The following PTDSS2 variants were observed in gnomAD, a reference collection of about 807,000 sequenced individuals.
PTDSS2 encodes phosphatidylserine synthase 2, also known as PSS-2.
Under a neutral mutation model 64.7 loss-of-function variants are expected in PTDSS2, and 41 were observed. The ratio of observed to expected loss-of-function variants is 0.63; its 90% confidence interval spans 0.49 to 0.82. PTDSS2 has a LOEUF of 0.82. Ranked by LOEUF, PTDSS2 falls within the 40% of genes least tolerant of loss-of-function variation. The probability of loss-of-function intolerance (pLI) is 0.00; values close to 1 mark genes in which losing one functional copy is unlikely to be tolerated. For missense variants in PTDSS2, 485 were observed against 650.0 expected (o/e 0.75, Z 2.76); for synonymous variants, 297 against 277.8 (o/e 1.07, Z -0.69).
chr11:453,505 C>A lies in PTDSS2; in HGVS notation c.182+2868C>A, dbSNP rs564432949. Among the ~76,000 whole-genome samples the A allele has an allele frequency of 3.3e-5, 5 of 152,336 alleles. No individual in the cohort carries two copies. The East Asian group carries it at 9.6e-4, about 29-fold the overall frequency. ...GAATGGGGTGCCTCAAATGAGCCTT[C>A]TCAGTGACCTGAGGACTTTATGTGT... is the stretch of plus-strand genomic sequence containing the variant. On this transcript the variant is annotated intron_variant, in intron 1 of 11. Coordinates refer to ENST00000308020, the MANE Select transcript of PTDSS2 (RefSeq NM_030783.3).
chr11:482,216 G>A (rs1273062368), intron 4 of PTDSS2, among the ~76,000 whole-genome samples: 11 of 142,080 alleles, frequency 7.7e-5, no homozygotes, highest in Non-Finnish European at 1.7e-4. Flanking sequence ...GAATAGGCAA[G>A]GATGGGCTTT....
chr11:479,188 T>A lies in PTDSS2; in HGVS notation c.435+36T>A, dbSNP rs759565686. On this transcript the variant is annotated intron_variant, in intron 4 of 11. Transcript: ENST00000308020. This position sits in a 1 kb window ranked among gnomAD's most constrained non-coding sequence, Gnocchi z 4.2. ...TTTCTGGGTTGGATACCTGGGAACT[T>A]AGGTGACAGTGTGGCCCCAGGCATG... is the stretch of plus-strand genomic sequence containing the variant. 1 of 1,537,794 alleles carries A rather than the reference T, an allele frequency of 6.5e-7. No homozygotes were observed. The highest frequency in any genetic ancestry group is 1.4e-5 in the African/African-American group (1 of 73,336).
At chr11:487,655 G>T (rs996082359) in intron 6 of PTDSS2, among the ~76,000 whole-genome samples, 185 bp downstream of exon 6, 3 of 152,190 alleles carry the variant, frequency 2.0e-5, no homozygotes, top group Non-Finnish European at 2.9e-5. Flanking sequence ...CCCTGATCCT[G>T]GTCGGGTCCC....
At chr11:473,695 G>A (rs113314713) in intron 2 of PTDSS2, among the ~76,000 whole-genome samples, 200 bp from the exon 3 acceptor site, 1 of 131,470 alleles carries the variant, frequency 7.6e-6, no homozygotes, top group African/African-American at 3.0e-5. Context: ...CAAATGTGAG[G>A]GCGAATGTCC....
At chr11:478,289 A>G (rs1847905362) in intron 3 of PTDSS2, among the ~76,000 whole-genome samples, 1 of 139,940 alleles carries the variant, frequency 7.1e-6, no homozygotes, top group Admixed American at 7.0e-5. Flanking sequence ...TATCTCTACA[A>G]AAAAAAAAAA....
At chr11:467,411 G>A (rs1224646164) in intron 2 of PTDSS2, among the ~76,000 whole-genome samples, 1 of 152,130 alleles carries the variant, frequency 6.6e-6, no homozygotes, top group Non-Finnish European at 1.5e-5. Flanking sequence ...GAATACAAAA[G>A]GCTAAAGCCG....
chr11:490,918 C>A lies in PTDSS2; in HGVS notation c.*336C>A. ...GGCGTGGCAAGGGCATGCTCTGGGGCAGTGTGTCCCTCAGGAACCAGGGTC... is the reference window on the plus strand; with the variant it reads ...GGCGTGGCAAGGGCATGCTCTGGGGAAGTGTGTCCCTCAGGAACCAGGGTC... On this transcript the variant is annotated 3_prime_UTR_variant, in exon 12 of 12. Coordinates refer to ENST00000308020, the MANE Select transcript of PTDSS2 (RefSeq NM_030783.3). 1 of 320,536 alleles carries A rather than the reference C, an allele frequency of 3.1e-6. No individual in the cohort carries two copies. The highest frequency in any genetic ancestry group is 5.0e-5 in the South Asian group (1 of 20,084). The allele number at this position is 320,536 out of a possible 1,614,324, so 19.9% of individuals were successfully genotyped here.
intron 3 of PTDSS2, among the ~76,000 whole-genome samples, chr11:478,704 C>A (rs376512677): frequency 3.3e-5 from 5 of 150,986 alleles, no homozygotes; most frequent in African/African-American, 9.8e-5. Flanking sequence ...GATTGCACCA[C>A]TGCACTCCAG....
chr11:487,586 G>A (rs1848450969), intron 6 of PTDSS2, 116 bp downstream of exon 6: 1 of 976,492 alleles, frequency 1.0e-6, no homozygotes, highest in Non-Finnish European at 1.6e-6. Context: ...GTGGGAGGGT[G>A]TCGCACTGCA....
chr11:449,356 C>CCG (rs1846221545), upstream of PTDSS2, among the ~76,000 whole-genome samples: 3 of 152,250 alleles, frequency 2.0e-5, no homozygotes. Flanking sequence ...GCGTGCGCCG[C>CCG]CGCGCCCGGC....
At position 488,204 on chromosome 11, in the gene PTDSS2, G is replaced by C; in HGVS notation, c.627G>C (p.Leu209=). ...GCTGACCCTGGCGCCCACAGACCCT[G>C]ATGATCCGAGACTGGTGGATGTGCA... is the stretch of plus-strand genomic sequence containing the variant. The part of the protein sequence containing the change: ...AHFLGWYLKT[L]MIRDWWMCMI... The change falls in exon 7 of 12, where the codon CTG becomes CTC. Residue 209 remains leucine, a synonymous_variant. Transcript: ENST00000308020. 1 of 1,612,534 alleles carries C rather than the reference G, an allele frequency of 6.2e-7. No homozygotes were observed. Among genetic ancestry groups the C allele is most frequent in the Non-Finnish European group, 8.5e-7 (1 of 1,179,204 alleles).
chr11:456,625 C>T (rs773640019), intron 1 of PTDSS2, among the ~76,000 whole-genome samples: 6 of 152,162 alleles, frequency 3.9e-5, no homozygotes, highest in Non-Finnish European at 8.8e-5. Flanking sequence ...GAGCCCAGCC[C>T]GTTTCCCCTC....
intron 3 of PTDSS2, among the ~76,000 whole-genome samples, chr11:475,081 C>T (rs556492723): frequency 8.0e-5 from 12 of 149,994 alleles, no homozygotes; most frequent in African/African-American, 2.5e-4. Flanking sequence ...GACACATTCA[C>T]GTGTTTGTGT....
Position 490,118 on chromosome 11 carries a change from TC to T in PTDSS2, c.1301+53del, listed in dbSNP as rs1183759724. 6 of 1,540,280 alleles carry T rather than the reference TC, an allele frequency of 3.9e-6. No homozygotes were observed. The South Asian group carries it at 5.9e-5, about 15-fold the overall frequency. Reference sequence around the variant, plus strand: ...TTCTGAAGGAGGGCCGCTGTCCGGGTCCCTTGGCACAGGCACTGTGGGAGTT... The same window carrying T: ...TTCTGAAGGAGGGCCGCTGTCCGGGTCCTTGGCACAGGCACTGTGGGAGTT... On this transcript the variant is annotated intron_variant, in intron 11 of 11. Transcript: ENST00000308020.
At position 455,034 on chromosome 11, in the gene PTDSS2, C is replaced by CTG. The variant is rs1432205658; in HGVS notation, c.182+4404_182+4405dup. 2.3e-3 allele frequency among the ~76,000 whole-genome samples: 345 copies of CTG among 151,222 alleles called. 7 individuals carry two copies. The highest frequency in any genetic ancestry group is 0.022 in the Admixed American group (341 of 15,234). On this transcript the variant is annotated intron_variant, in intron 1 of 11. Coordinates refer to ENST00000308020, the MANE Select transcript of PTDSS2 (RefSeq NM_030783.3). The stretch of plus-strand genomic sequence containing the variant: ...AGTGCAGCCTCCTCCTCCAGTGGGC[C>CTG]TGTGTGTGGAGTGGTGGCATTCTGG...
chr11:471,082 A>G (rs1480823232), intron 2 of PTDSS2, among the ~76,000 whole-genome samples: 1 of 150,736 alleles, frequency 6.6e-6, no homozygotes, highest in African/African-American at 2.4e-5. Flanking sequence ...CACCTTCTCA[A>G]GTACTTAAGT....
chr11:462,029 A>C lies in PTDSS2; in HGVS notation c.284+1741A>C, dbSNP rs754133493. On this transcript the variant is annotated intron_variant, in intron 2 of 11. Coordinates refer to ENST00000308020, the MANE Select transcript of PTDSS2 (RefSeq NM_030783.3). This position sits in a 1 kb window ranked among gnomAD's most constrained non-coding sequence, Gnocchi z 4.5. ...CAGCAGGGTAGGTGGATTAGGAAGC[A>C]GGACCGGGTCTCACCTCAAGTGTCC... is the stretch of plus-strand genomic sequence containing the variant. Among the ~76,000 whole-genome samples the C allele has an allele frequency of 2.2e-4, 34 of 152,186 alleles. No individual in the cohort carries two copies. Among genetic ancestry groups the C allele is most frequent in the Non-Finnish European group, 4.7e-4 (32 of 68,014 alleles).
chr11:461,164 C>T lies in PTDSS2; in HGVS notation c.284+876C>T, dbSNP rs1370656324. ...CCTGGGGTTTGTAGGACTTAGCTGT[C>T]CCTACAGCTCTTGGGCCAGCACTTC... is the stretch of plus-strand genomic sequence containing the variant. On this transcript the variant is annotated intron_variant, in intron 2 of 11. Transcript: ENST00000308020. This position sits in a 1 kb window ranked among gnomAD's most constrained non-coding sequence, Gnocchi z 4.2. The T allele has an allele frequency of 6.6e-6, 1 of 152,236 alleles. No individual in the cohort carries two copies. The highest frequency in any genetic ancestry group is 1.5e-5 in the Non-Finnish European group (1 of 68,068). The allele number at this position is 152,236 out of a possible 1,614,324, so 9.4% of individuals were successfully genotyped here. A position where few individuals can be genotyped will look rare whatever the true frequency, so the allele number is the denominator to read the frequency against.
chr11:479,241 C>A lies in PTDSS2; in HGVS notation c.435+89C>A. The A allele has an allele frequency of 2.1e-6, 2 of 940,800 alleles. No homozygotes were observed. The highest frequency in any genetic ancestry group is 3.4e-6 in the Non-Finnish European group (2 of 588,496). The allele number at this position is 940,800 out of a possible 1,614,324, so 58.3% of individuals were successfully genotyped here. Reference sequence around the variant, plus strand: ...GACAAAGGAGGCCTTGCCCACACAGCCCTCGAGTGATGGGAGGAAGCAGGG... The same window carrying A: ...GACAAAGGAGGCCTTGCCCACACAGACCTCGAGTGATGGGAGGAAGCAGGG... On this transcript the variant is annotated intron_variant, in intron 4 of 11. Transcript: ENST00000308020. The surrounding 1 kb of genome is among the most constrained non-coding windows in gnomAD (Gnocchi z 4.2).
Sources: gnomAD v4.1 joint callset for allele counts (sites outside exome capture counted in the v4.1 genomes callset) on GRCh38, gnomAD v4.1.1 for gene constraint, Gnocchi (gnomAD v3.1) non-coding constraint, MANE v1.5 for transcripts, NCBI Gene and HGNC (gene_info 2026-07-23, HGNC 2026-07-21) for gene names.